Variants in FMO3 observed in about 807,000 individuals in gnomAD.
FMO3 encodes the protein flavin-containing monooxygenase 3.
Under a neutral mutation model 39.4 loss-of-function variants are expected in FMO3, and 40 were observed. The ratio of observed to expected loss-of-function variants is 1.02; its 90% CI spans 0.79 to 1.32. The LOEUF is 1.32. Among genes scored for constraint, FMO3 ranks in the 40% most tolerant of loss-of-function variants. FMO3 has a pLI of 0.00. For synonymous variants in FMO3, 219 were observed against 228.8 expected, an observed-to-expected ratio of 0.96 and a Z score of 0.39; for missense variants, 680 against 651.8, an observed-to-expected ratio of 1.04 and a Z score of -0.47.
chr1:171,094,628 G>A (rs1404920546), intron 2 of FMO3, among the ~76,000 whole-genome samples: 1 of 152,260 alleles, frequency 6.6e-6, no homozygotes, highest in Non-Finnish European at 1.5e-5. Context: ...TATGGTGAGA[G>A]ATAGGGGTCC....
At position 171,110,945 on chromosome 1, in the gene FMO3, C is replaced by T. The variant is rs1655882215; in HGVS notation, c.775C>T (p.Gln259Ter). 3 of 1,613,818 alleles carry T rather than the reference C, an allele frequency of 1.9e-6. No homozygotes were observed. The African/African-American group carries it at 4.0e-5, about 22-fold the overall frequency. ...CATCTCTGACTGGTTGTACGTGAAG[C>T]AGATGAATGCAAGATTCAAGCATGA... ...TAISDWLYVK[Q>*]MNARFKHENY... The change falls in exon 6 of 9, where the codon CAG becomes TAG. Residue 259 changes from glutamine to a stop codon, truncating the protein, a stop_gained. Coordinates refer to ENST00000367755, the MANE Select transcript of FMO3 (RefSeq NM_001002294.3). LOFTEE classifies it high-confidence loss of function.
intron 3 of FMO3, among the ~76,000 whole-genome samples, chr1:171,105,476 A>C (rs1655597326): frequency 6.6e-6 from 1 of 152,148 alleles, no homozygotes; most frequent in Non-Finnish European, 1.5e-5. Flanking sequence ...TGACTTCCAC[A>C]ATGGTTGAAC....
At chr1:171,094,778 T>A (rs1571198610) in intron 2 of FMO3, among the ~76,000 whole-genome samples, 1 of 152,182 alleles carries the variant, frequency 6.6e-6, no homozygotes, top group Non-Finnish European at 1.5e-5. Context: ...GACTTCTCTA[T>A]TCTGTTCCAC....
At chr1:171,111,143 A>G (rs1285611075) in intron 6 of FMO3, 146 bp downstream of exon 6, 3 of 725,630 alleles carry the variant, frequency 4.1e-6, no homozygotes, top group Non-Finnish European at 7.4e-6. Flanking sequence ...ATTAAGAGTG[A>G]TTTCCTATTT....
At chr1:171,107,941 C>A in intron 4 of FMO3, 104 bp downstream of exon 4, 4 of 1,373,004 alleles carry the variant, frequency 2.9e-6, no homozygotes, top group Non-Finnish European at 4.2e-6. Flanking sequence ...TTAAAATATA[C>A]TTCTGTTATA....
Position 171,117,226 on chromosome 1 carries a change from T to C in FMO3, c.1383T>C (p.Val461=). 6.2e-7 allele frequency: 1 copy of C among 1,614,170 alleles called. No homozygotes were observed. The highest frequency in any genetic ancestry group is 8.5e-7 in the Non-Finnish European group (1 of 1,180,014). ...CAGATCCCAAATTGGCCATGGAAGTTTATTTTGGCCCTTGTAGTCCCTACC... is the reference window on the plus strand; with the variant it reads ...CAGATCCCAAATTGGCCATGGAAGTCTATTTTGGCCCTTGTAGTCCCTACC... ...FLTDPKLAME[V]YFGPCSPYQF... Residue 461 remains valine, a synonymous_variant, in exon 9 of 9, where the codon GTT becomes GTC. Transcript: ENST00000367755.
chr1:171,094,137 T>G (rs1228768756), intron 2 of FMO3, among the ~76,000 whole-genome samples: 1 of 152,140 alleles, frequency 6.6e-6, no homozygotes, highest in African/African-American at 2.4e-5. Flanking sequence ...CCTTTTTGAC[T>G]TTTTAATAAT....
chr1:171,116,200 T>C lies in FMO3; in HGVS notation c.1184-8T>C. The C allele has an allele frequency of 1.3e-6, 2 of 1,583,624 alleles. No homozygotes were observed. The highest frequency in any genetic ancestry group is 1.7e-6 in the Non-Finnish European group (2 of 1,152,722). ...TTAATTACCATCGTGTCTTTCCTTC[T>C]TTATCAGGAACTTGTACTTTGCCTT... On this transcript the variant is annotated splice_polypyrimidine_tract_variant and splice_region_variant and intron_variant, in intron 7 of 8. Transcript: ENST00000367755.
In FMO3 at chr1:171,117,245, C is replaced by A. The variant is rs758899175; in HGVS notation, c.1402C>A (p.Pro468Thr). 4 of 1,614,142 alleles carry A rather than the reference C, an allele frequency of 2.5e-6. No homozygotes were observed. Among genetic ancestry groups the A allele is most frequent in the Admixed American group, 1.7e-5 (1 of 60,016 alleles). Residue 468 changes from proline to threonine, a missense_variant, in exon 9 of 9, where the codon CCC (proline) becomes ACC (threonine). By Grantham distance (38) the Pro-to-Thr change is conservative (BLOSUM62 -1). Coordinates refer to ENST00000367755, the MANE Select transcript of FMO3 (RefSeq NM_001002294.3). ...AMEVYFGPCSPYQFRLVGPGQ... is the reference protein window; with the variant it reads ...AMEVYFGPCSTYQFRLVGPGQ... ...GGAAGTTTATTTTGGCCCTTGTAGT[C>A]CCTACCAGTTTAGGCTGGTGGGCCC... is the stretch of plus-strand genomic sequence containing the variant.
At chr1:171,098,031 C>T (rs1655185647) in intron 2 of FMO3, among the ~76,000 whole-genome samples, 1 of 152,164 alleles carries the variant, frequency 6.6e-6, no homozygotes, top group Non-Finnish European at 1.5e-5. Flanking sequence ...TTCCCAGCAC[C>T]ATTTGTTAAA....
At chr1:171,109,824 G>A (rs910860882) in intron 5 of FMO3, among the ~76,000 whole-genome samples, 4 of 152,080 alleles carry the variant, frequency 2.6e-5, no homozygotes, top group Admixed American at 6.6e-5. Context: ...TTATAGGCGT[G>A]AGCCACCATG....
chr1:171,096,882 G>T lies in FMO3; in HGVS notation c.132+4092G>T, dbSNP rs182050121. ...GTATACATGTGCCATGTTGGTGTGC[G>T]GCACCCATTAACTTGTCATTTAGCA... On this transcript the variant is annotated intron_variant, in intron 2 of 8. Transcript: ENST00000367755. Among the ~76,000 whole-genome samples the T allele has an allele frequency of 9.4e-3, 1,415 of 150,750 alleles. 20 individuals are homozygous for T. Among genetic ancestry groups the T allele is most frequent in the African/African-American group, 0.033 (1,362 of 41,016 alleles).
rs1655876197 is a variant in FMO3, at chr1:171,110,874, T to C, written c.704T>C (p.Leu235Pro). The C allele has an allele frequency of 6.2e-7, 1 of 1,613,902 alleles. No individual in the cohort carries two copies. The highest frequency in any genetic ancestry group is 1.3e-5 in the African/African-American group (1 of 74,904). The change falls in exon 6 of 9, where the codon CTC (leucine) becomes CCC (proline). Residue 235 changes from leucine to proline, a missense_variant. By Grantham distance (98) the Leu-to-Pro change is moderately conservative. Transcript: ENST00000367755. ...WDNGYPWDMLLVTRFGTFLKN... is the reference protein window; with the variant it reads ...WDNGYPWDMLPVTRFGTFLKN... ...AATGGTTATCCTTGGGACATGCTGC[T>C]CGTCACTCGATTTGGAACCTTCCTC...
chr1:171,096,742 A>AATATAATTATATTAAAAAT (rs1655104362), intron 2 of FMO3, among the ~76,000 whole-genome samples: 1 of 139,202 alleles, frequency 7.2e-6, no homozygotes, highest in South Asian at 2.1e-4. Context: ...ATATATAATT[A>AATATAATTATATTAAAAAT]ATATAATTAT....
intron 5 of FMO3, among the ~76,000 whole-genome samples, chr1:171,109,434 T>C (rs1655797417): frequency 6.6e-6 from 1 of 152,070 alleles, no homozygotes; most frequent in Non-Finnish European, 1.5e-5. Context: ...TTCACAGATT[T>C]CTATTTGTAT....
intron 2 of FMO3, chr1:171,101,164 G>A: frequency 2.2e-6 from 1 of 456,262 alleles, no homozygotes; most frequent in Non-Finnish European, 4.4e-6. Flanking sequence ...GCCAGAAGCG[G>A]CAAGGAATGG....
chr1:171,116,638 A>G (rs1371141746), intron 8 of FMO3, among the ~76,000 whole-genome samples: 1 of 152,230 alleles, frequency 6.6e-6, no homozygotes, highest in East Asian at 1.9e-4. Flanking sequence ...TCTCTAGCCC[A>G]TAAATTCTCT....
In FMO3 at chr1:171,108,137, A is replaced by G. The variant is rs1370096908; in HGVS notation, c.543A>G (p.Val181=). 6.2e-7 allele frequency: 1 copy of G among 1,613,956 alleles called. No homozygotes were observed. Among genetic ancestry groups the G allele is most frequent in the Non-Finnish European group, 8.5e-7 (1 of 1,179,888 alleles). Residue 181 remains valine, a synonymous_variant, in exon 5 of 9, where the codon GTA becomes GTG. Transcript: ENST00000367755. The part of the protein sequence containing the change: ...FHSRDYKEPG[V]FNGKRVLVVG... ...GCAGGGACTATAAAGAACCAGGTGTATTCAATGGAAAGCGTGTCCTGGTGG... is the reference window on the plus strand; with the variant it reads ...GCAGGGACTATAAAGAACCAGGTGTGTTCAATGGAAAGCGTGTCCTGGTGG...
chr1:171,101,748 C>A (rs1655405331), intron 2 of FMO3: 1 of 518,046 alleles, frequency 1.9e-6, no homozygotes, highest in Non-Finnish European at 4.0e-6. Flanking sequence ...TCACCCAGAT[C>A]TGCGGCCTAA....
Sources: allele counts gnomAD v4.1 joint callset (sites outside exome capture counted in the v4.1 genomes callset), GRCh38; gene constraint gnomAD v4.1.1; transcripts MANE v1.5; gene names NCBI Gene and HGNC (gene_info 2026-07-23, HGNC 2026-07-21).